The following NETO1 variants were observed in gnomAD, a reference collection of about 807,000 sequenced individuals.
The protein encoded by NETO1 is neuropilin and tolloid like 1, also known as neuropilin and tolloid-like protein 1.
NETO1 carries 26 observed loss-of-function variants against 61.3 expected under a neutral mutation model. The ratio of observed to expected loss-of-function variants is 0.42; its 90% confidence interval spans 0.31 to 0.59. The LOEUF (loss-of-function observed/expected upper bound fraction) is 0.59. Among genes scored for constraint, NETO1 ranks in the 20% least tolerant of loss-of-function variants. The probability of loss-of-function intolerance (pLI) is 0.12; values close to 1 mark genes in which losing one functional copy is unlikely to be tolerated. For missense variants in NETO1, 531 were observed against 662.8 expected (o/e 0.80, Z 2.18); for synonymous variants, 225 against 225.8 (o/e 1.00, Z 0.03).
At chr18:72,751,770 C>T (rs557456345) in intron 8 of NETO1, among the ~76,000 whole-genome samples, 7 of 152,226 alleles carry the variant, frequency 4.6e-5, no homozygotes, top group Non-Finnish European at 5.9e-5. Flanking sequence ...GTTCCTGCCC[C>T]GACCCAGAAG....
intron 4 of NETO1, among the ~76,000 whole-genome samples, chr18:72,798,315 A>C (rs891428531): frequency 6.6e-6 from 1 of 152,198 alleles, no homozygotes; most frequent in African/African-American, 2.4e-5. Flanking sequence ...GCTCCTTATG[A>C]GAATCTAATG....
chr18:72,780,013 T>C (rs2071684483), intron 7 of NETO1, among the ~76,000 whole-genome samples: 1 of 152,112 alleles, frequency 6.6e-6, no homozygotes, highest in Non-Finnish European at 1.5e-5. Context: ...CCAACACCTA[T>C]GATGAGAGCT....
At chr18:72,838,936 AT>A (rs1217194105) in intron 4 of NETO1, among the ~76,000 whole-genome samples, 1 of 152,186 alleles carries the variant, frequency 6.6e-6, no homozygotes, top group Non-Finnish European at 1.5e-5. Flanking sequence ...AAACTCTGCT[AT>A]ACTCATGATA....
chr18:72,814,770 A>G (rs2072977440), intron 4 of NETO1, among the ~76,000 whole-genome samples: 1 of 152,054 alleles, frequency 6.6e-6, no homozygotes, highest in African/African-American at 2.4e-5. Context: ...TAACTGAGTT[A>G]TTTTTAAACT....
intron 1 of NETO1, 195 bp downstream of exon 1, chr18:72,867,069 C>A: frequency 8.4e-6 from 4 of 473,698 alleles, no homozygotes; most frequent in Non-Finnish European, 1.4e-5. Flanking sequence ...GATCCGGCGA[C>A]GGCTGACCGC....
intron 6 of NETO1, among the ~76,000 whole-genome samples, chr18:72,789,116 T>C (rs1476150883): frequency 6.6e-6 from 1 of 152,102 alleles, no homozygotes; most frequent in Non-Finnish European, 1.5e-5. Flanking sequence ...TATAAACTTA[T>C]GTAGAATATT....
At chr18:72,842,831 T>A (rs146761083) in intron 4 of NETO1, among the ~76,000 whole-genome samples, 2 of 152,282 alleles carry the variant, frequency 1.3e-5, no homozygotes, top group South Asian at 4.2e-4. Context: ...AGGTATAGCA[T>A]ACCTCATAGG....
chr18:72,757,153 TG>T (rs2070809949), intron 7 of NETO1, among the ~76,000 whole-genome samples: 1 of 152,144 alleles, frequency 6.6e-6, no homozygotes, highest in African/African-American at 2.4e-5. Context: ...CAAAATCTAT[TG>T]CACATGAAAC....
At chr18:72,792,040 C>T (rs2145269665) in intron 6 of NETO1, among the ~76,000 whole-genome samples, 1 of 152,292 alleles carries the variant, frequency 6.6e-6, no homozygotes, top group African/African-American at 2.4e-5. Flanking sequence ...ATCTCTGTAA[C>T]TGAAAGCTGG....
chr18:72,745,012 G>T lies in NETO1; in HGVS notation c.*3167C>A, dbSNP rs2070400966. On this transcript the variant is annotated 3_prime_UTR_variant, in exon 11 of 11. Transcript: ENST00000327305. The stretch of plus-strand genomic sequence containing the variant: ...ACCGTCTAAGTTACTTAACACTGAG[G>T]ATCATAACTTATGGAGTCATCAGAC... 6.6e-6 allele frequency: 1 copy of T among 152,120 alleles called. No homozygotes were observed. Among genetic ancestry groups the T allele is most frequent in the South Asian group, 2.1e-4 (1 of 4,826 alleles). 9.4% of individuals were successfully genotyped at this position (152,120 alleles called of 1,614,324 possible). A position where few individuals can be genotyped will look rare whatever the true frequency, so the allele number is the denominator to read the frequency against.
At chr18:72,764,567 T>G (rs1397498885) in intron 7 of NETO1, among the ~76,000 whole-genome samples, 1 of 152,062 alleles carries the variant, frequency 6.6e-6, no homozygotes, top group African/African-American at 2.4e-5. Flanking sequence ...GCAATTTTCA[T>G]CAGACACAGA....
At chr18:72,807,280 T>C (rs1464832614) in intron 4 of NETO1, among the ~76,000 whole-genome samples, 1 of 152,210 alleles carries the variant, frequency 6.6e-6, no homozygotes, top group Non-Finnish European at 1.5e-5. Flanking sequence ...CTGACTTTCT[T>C]TTCTAGTTTA....
chr18:72,849,353 G>A (rs982656992), intron 4 of NETO1, among the ~76,000 whole-genome samples: 3 of 151,982 alleles, frequency 2.0e-5, no homozygotes, highest in Non-Finnish European at 4.4e-5. Flanking sequence ...TTGAGCTGTC[G>A]TCATCAGCAC....
chr18:72,755,671 A>G (rs561537355), intron 8 of NETO1, among the ~76,000 whole-genome samples: 5 of 152,220 alleles, frequency 3.3e-5, no homozygotes, highest in East Asian at 1.9e-4. Flanking sequence ...ACAAAGTCCA[A>G]TCAAGACAAA....
intron 4 of NETO1, among the ~76,000 whole-genome samples, chr18:72,825,789 C>T (rs903467156): frequency 3.9e-5 from 6 of 152,012 alleles, no homozygotes; most frequent in African/African-American, 9.7e-5. Flanking sequence ...GGTAACCATG[C>T]GATCTTTAAA....
intron 4 of NETO1, among the ~76,000 whole-genome samples, chr18:72,838,429 A>G (rs1213099695): frequency 2.0e-5 from 3 of 152,198 alleles, no homozygotes; most frequent in Admixed American, 2.0e-4. Flanking sequence ...CTGGATGGGC[A>G]GGTTCTTTCA....
chr18:72,781,159 T>C (rs1307174323), intron 7 of NETO1, among the ~76,000 whole-genome samples: 2 of 152,208 alleles, frequency 1.3e-5, no homozygotes, highest in Admixed American at 1.3e-4. Context: ...ATACTTTTGA[T>C]TAAAAATTAC....
chr18:72,828,110 C>T (rs542970806), intron 4 of NETO1, among the ~76,000 whole-genome samples: 6 of 152,106 alleles, frequency 3.9e-5, no homozygotes, highest in Non-Finnish European at 8.8e-5. Context: ...CTCAGGAGTT[C>T]GAGACCAGCC....
intron 4 of NETO1, among the ~76,000 whole-genome samples, chr18:72,841,925 T>C (rs1942461): frequency 0.98 from 148,866 of 152,018 alleles, 72,900 homozygotes; most frequent in East Asian, 1. Flanking sequence ...TTGAAATTCA[T>C]GGCCAAGGAA....
Sources: allele counts gnomAD v4.1 joint callset (sites outside exome capture counted in the v4.1 genomes callset), GRCh38; gene constraint gnomAD v4.1.1; transcripts MANE v1.5; gene names NCBI Gene and HGNC (gene_info 2026-07-23, HGNC 2026-07-21).